Variants in SOX21 observed in about 807,000 individuals in gnomAD.
The protein encoded by SOX21 is transcription factor SOX-21.
For synonymous variants in SOX21, 237 were observed against 189.7 expected (o/e 1.25, Z -2.05); for missense variants, 370 against 388.8 (o/e 0.95, Z 0.41).
rs1875193160 is a variant in SOX21, at chr13:94,710,113, CA to C, written c.*1105del. On this transcript the variant is annotated 3_prime_UTR_variant, in exon 1 of 1. Transcript: ENST00000376945. ...TGCTAAATAATAAATATATAATTAC[CA>C]GACAAAAAAGTCTGATTTAATCTTC... 3 of 152,060 alleles carry C rather than the reference CA, an allele frequency of 2.0e-5. No individual in the cohort carries two copies. Among genetic ancestry groups the C allele is most frequent in the Non-Finnish European group, 1.5e-5 (1 of 68,010 alleles). 9.4% of individuals were successfully genotyped at this position (152,060 alleles called of 1,614,324 possible).
rs912938572 is a variant in SOX21, at chr13:94,712,101, G to A, written c.-52C>T. ...CGCCGCCTCCCGGGCCCTCGCCCTC[G>A]GCCCGGAGGAAATCAATGTTGGCTG... is the stretch of plus-strand genomic sequence containing the variant. On this transcript the variant is annotated 5_prime_UTR_variant, in exon 1 of 1. Coordinates refer to ENST00000376945, the MANE Select transcript of SOX21 (RefSeq NM_007084.4). The surrounding 1 kb of genome is among the most constrained non-coding windows in gnomAD (Gnocchi z 5.0). 1.3e-6 allele frequency: 2 copies of A among 1,566,702 alleles called. No individual in the cohort carries two copies. The highest frequency in any genetic ancestry group is 1.7e-6 in the Non-Finnish European group (2 of 1,156,944).
At position 94,711,707 on chromosome 13, in the gene SOX21, C is replaced by T; in HGVS notation, c.343G>A (p.Ala115Thr). Residue 115 changes from alanine (A) to threonine (T), a missense_variant, in exon 1 of 1, where the codon GCC (alanine) becomes ACC (threonine). Physicochemically the swap from Ala to Thr is moderately conservative, Grantham distance 58. Transcript: ENST00000376945. ...CCGCCCGCCCCCGCGTGCAGCCCGG[C>T]GCCCGCCTTGAGCGCAGGGTGCTCG... ...DAEHPALKAGAGLHAGAGGGL... is the reference protein window; with the variant it reads ...DAEHPALKAGTGLHAGAGGGL... 6.3e-7 allele frequency: 1 copy of T among 1,575,312 alleles called. No individual in the cohort carries two copies. Among genetic ancestry groups the T allele is most frequent in the Non-Finnish European group, 8.6e-7 (1 of 1,164,210 alleles).
Position 94,711,453 on chromosome 13 carries a change from G to T in SOX21, c.597C>A (p.Thr199=). ...LPYASSLGYP[T]AGAGAFHGAA... ...CGCCGTGGAAGGCGCCCGCGCCCGCGGTCGGGTAGCCCAGCGACGACGCGT... is the reference window on the plus strand; with the variant it reads ...CGCCGTGGAAGGCGCCCGCGCCCGCTGTCGGGTAGCCCAGCGACGACGCGT... Residue 199 remains threonine (T), a synonymous_variant, in exon 1 of 1, where the codon ACC becomes ACA. Coordinates refer to ENST00000376945, the MANE Select transcript of SOX21 (RefSeq NM_007084.4). 2.3e-5 allele frequency: 24 copies of T among 1,039,108 alleles called. 1 individual carries two copies. The highest frequency in any genetic ancestry group is 2.8e-5 in the Non-Finnish European group (24 of 858,400). The allele number at this position is 1,039,108 out of a possible 1,614,324, so 64.4% of individuals were successfully genotyped here.
chr13:94,712,255 G>A lies in SOX21; in HGVS notation c.-206C>T. 8.2e-7 allele frequency: 1 copy of A among 1,222,966 alleles called. No individual in the cohort carries two copies. 75.8% of individuals were successfully genotyped at this position (1,222,966 alleles called of 1,614,324 possible). ...GGGCCGCCTTAGTGTCTCCGGCCGA[G>A]CGCTCGAGCAGGTTGTCTCTGGGAC... is the stretch of plus-strand genomic sequence containing the variant. On this transcript the variant is annotated 5_prime_UTR_variant, in exon 1 of 1. Transcript: ENST00000376945. The surrounding 1 kb of genome is among the most constrained non-coding windows in gnomAD (Gnocchi z 5.0).
Position 94,711,637 on chromosome 13 carries a change from G to A in SOX21, c.413C>T (p.Ala138Val), listed in dbSNP as rs529375034. The A allele has an allele frequency of 3.9e-6, 5 of 1,268,034 alleles. No homozygotes were observed. Among genetic ancestry groups the A allele is most frequent in the Non-Finnish European group, 4.0e-6 (4 of 1,008,332 alleles). 78.5% of individuals were successfully genotyped at this position (1,268,034 alleles called of 1,614,324 possible). A position where few individuals can be genotyped will look rare whatever the true frequency, so the allele number is the denominator to read the frequency against. ...ESLLANPEKA[A>V]AAAAAAAARV... ...TGCGGCGGCAGCGGCGGCGGCCGCG[G>A]CCGCCTTCTCGGGATTGGCGAGCAG... is the stretch of plus-strand genomic sequence containing the variant. The change falls in exon 1 of 1, where the codon GCC becomes GTC. Residue 138 changes from alanine (A) to valine (V), a missense_variant. By Grantham distance (64) the Ala-to-Val change is moderately conservative. Transcript: ENST00000376945.
In SOX21 at chr13:94,711,625, G is replaced by A; in HGVS notation, c.425C>T (p.Ala142Val). The A allele has an allele frequency of 8.1e-7, 1 of 1,236,808 alleles. No individual in the cohort carries two copies. The highest frequency in any genetic ancestry group is 3.6e-5 in the South Asian group (1 of 27,914). The allele number at this position is 1,236,808 out of a possible 1,614,324, so 76.6% of individuals were successfully genotyped here. A position where few individuals can be genotyped will look rare whatever the true frequency, so the allele number is the denominator to read the frequency against. The change falls in exon 1 of 1, where the codon GCC (alanine) becomes GTC (valine). Residue 142 changes from alanine to valine, a missense_variant. By Grantham distance (64) the Ala-to-Val change is moderately conservative. Coordinates refer to ENST00000376945, the MANE Select transcript of SOX21 (RefSeq NM_007084.4). Reference sequence around the variant, plus strand: ...GAAGAAGACGCGTGCGGCGGCAGCGGCGGCGGCCGCGGCCGCCTTCTCGGG... The same window carrying A: ...GAAGAAGACGCGTGCGGCGGCAGCGACGGCGGCCGCGGCCGCCTTCTCGGG... ...ANPEKAAAAA[A>V]AAAARVFFPQ...
rs1236818155 is a variant in SOX21 at position 94,712,399 on chromosome 13, C to T, written c.-350G>A. 2.9e-6 allele frequency: 3 copies of T among 1,026,778 alleles called. No homozygotes were observed. The highest frequency in any genetic ancestry group is 4.5e-5 in the South Asian group (1 of 22,186). 63.6% of individuals were successfully genotyped at this position (1,026,778 alleles called of 1,614,324 possible). On this transcript the variant is annotated 5_prime_UTR_variant, in exon 1 of 1. Coordinates refer to ENST00000376945, the MANE Select transcript of SOX21 (RefSeq NM_007084.4). This position sits in a 1 kb window ranked among gnomAD's most constrained non-coding sequence, Gnocchi z 5.0. ...CTCCCCGCAGGTAGCGGCGGCCGGG[C>T]AGAGCGCTCCTCCTCCTCGGTCGTT...
chr13:94,711,483 G>A lies in SOX21; in HGVS notation c.567C>T (p.Leu189=). ...MAEISSSSSG[L]PYASSLGYPT... ...GGTAGCCCAGCGACGACGCGTACGGGAGGCCGGACGAGGACGACGAGATCT... is the reference window on the plus strand; with the variant it reads ...GGTAGCCCAGCGACGACGCGTACGGAAGGCCGGACGAGGACGACGAGATCT... Residue 189 remains leucine (L), a synonymous_variant, in exon 1 of 1, where the codon CTC becomes CTT. Coordinates refer to ENST00000376945, the MANE Select transcript of SOX21 (RefSeq NM_007084.4). The A allele has an allele frequency of 9.7e-7, 1 of 1,028,618 alleles. No individual in the cohort carries two copies. The highest frequency in any genetic ancestry group is 1.2e-6 in the Non-Finnish European group (1 of 849,746). 63.7% of individuals were successfully genotyped at this position (1,028,618 alleles called of 1,614,324 possible). A position where few individuals can be genotyped will look rare whatever the true frequency, so the allele number is the denominator to read the frequency against.
chr13:94,710,980 C>T lies in SOX21; in HGVS notation c.*239G>A. The T allele has an allele frequency of 5.3e-6, 2 of 377,022 alleles. No homozygotes were observed. The highest frequency in any genetic ancestry group is 9.4e-6 in the Non-Finnish European group (2 of 213,838). 23.4% of individuals were successfully genotyped at this position (377,022 alleles called of 1,614,324 possible). On this transcript the variant is annotated 3_prime_UTR_variant, in exon 1 of 1. Transcript: ENST00000376945. ...ACACAACCGCCTGCTTTCGAGTTGG[C>T]TGCCGAAGTGCGGGTCTGAAATGAT...
Position 94,712,088 on chromosome 13 carries a change from G to GGCCCTC in SOX21, c.-45_-40dup, listed in dbSNP as rs763111269. The GGCCCTC allele has an allele frequency of 1.3e-6, 2 of 1,593,830 alleles. No individual in the cohort carries two copies. The highest frequency in any genetic ancestry group is 2.2e-5 in the South Asian group (2 of 89,526). On this transcript the variant is annotated 5_prime_UTR_variant, in exon 1 of 1. Coordinates refer to ENST00000376945, the MANE Select transcript of SOX21 (RefSeq NM_007084.4). The surrounding 1 kb of genome is among the most constrained non-coding windows in gnomAD (Gnocchi z 5.0). ...CGCGGCTGCAGCCCGCCGCCTCCCGGGCCCTCGCCCTCGGCCCGGAGGAAA... is the reference window on the plus strand; with the variant it reads ...CGCGGCTGCAGCCCGCCGCCTCCCGGGCCCTCGCCCTCGCCCTCGGCCCGGAGGAAA...
Position 94,711,650 on chromosome 13 carries a change from G to T in SOX21, c.400C>A (p.Pro134Thr). 7.2e-7 allele frequency: 1 copy of T among 1,392,228 alleles called. No homozygotes were observed. The highest frequency in any genetic ancestry group is 9.3e-7 in the Non-Finnish European group (1 of 1,076,188). The allele number at this position is 1,392,228 out of a possible 1,614,324, so 86.2% of individuals were successfully genotyped here. ...GCGGCGGCCGCGGCCGCCTTCTCGGGATTGGCGAGCAGCGACTCAGGCACC... is the reference window on the plus strand; with the variant it reads ...GCGGCGGCCGCGGCCGCCTTCTCGGTATTGGCGAGCAGCGACTCAGGCACC... ...GLVPESLLAN[P>T]EKAAAAAAAA... Residue 134 changes from proline to threonine, a missense_variant, in exon 1 of 1, where the codon CCC becomes ACC. Pro to Thr is a conservative substitution (Grantham distance 38). Coordinates refer to ENST00000376945, the MANE Select transcript of SOX21 (RefSeq NM_007084.4).
Position 94,710,618 on chromosome 13 carries a change from G to C in SOX21, c.*601C>G, listed in dbSNP as rs536039267. 1 of 152,280 alleles carries C rather than the reference G, an allele frequency of 6.6e-6. No homozygotes were observed. Among genetic ancestry groups the C allele is most frequent in the South Asian group, 2.1e-4 (1 of 4,826 alleles). The allele number at this position is 152,280 out of a possible 1,614,324, so 9.4% of individuals were successfully genotyped here. A position where few individuals can be genotyped will look rare whatever the true frequency, so the allele number is the denominator to read the frequency against. ...GGATCTGGTTGGGAGTTCTGCTTGA[G>C]AGAACAGAGATCTGCAAAGTTCAAA... On this transcript the variant is annotated 3_prime_UTR_variant, in exon 1 of 1. Transcript: ENST00000376945.
chr13:94,711,834 G>C lies in SOX21; in HGVS notation c.216C>G (p.His72Gln), dbSNP rs1369181764. 6.2e-7 allele frequency: 1 copy of C among 1,613,848 alleles called. No homozygotes were observed. The highest frequency in any genetic ancestry group is 1.1e-5 in the South Asian group (1 of 91,096). Residue 72 changes from histidine (H) to glutamine (Q), a missense_variant, in exon 1 of 1, where the codon CAC (histidine) becomes CAG (glutamine). Physicochemically the swap from His to Gln is conservative, Grantham distance 24 (BLOSUM62 0). Transcript: ENST00000376945. Reference sequence around the variant, plus strand: ...GCCGCGGCCGGTACTTGTAGTCGGGGTGCTCCTTCATGTGCATGGCGCGTA... The same window carrying C: ...GCCGCGGCCGGTACTTGTAGTCGGGCTGCTCCTTCATGTGCATGGCGCGTA... ...KRLRAMHMKE[H>Q]PDYKYRPRRK...
At position 94,711,155 on chromosome 13, in the gene SOX21, A is replaced by C. The variant is rs1294195001; in HGVS notation, c.*64T>G. The C allele has an allele frequency of 1.6e-6, 2 of 1,228,744 alleles. No homozygotes were observed. The highest frequency in any genetic ancestry group is 6.4e-5 in the East Asian group (2 of 31,444). The allele number at this position is 1,228,744 out of a possible 1,614,324, so 76.1% of individuals were successfully genotyped here. On this transcript the variant is annotated 3_prime_UTR_variant, in exon 1 of 1. Transcript: ENST00000376945. ...GCGGGAGGGCGCACGGGGAGGCCGC[A>C]GCGCTCGTACCTATACATATGTACA...
Position 94,711,210 on chromosome 13 carries a change from C to CCCGCGGGGTCATAGCGCGGCAGCGTAGG in SOX21, c.812_*8dup. On this transcript the variant is annotated 3_prime_UTR_variant, in exon 1 of 1. Coordinates refer to ENST00000376945, the MANE Select transcript of SOX21 (RefSeq NM_007084.4). ...TGCACACCGGTCCTCGCGAGGCGGC[C>CCCGCGGGGTCATAGCGCGGCAGCGTAGG]CCGCGGGGTCATAGCGCGGCAGCGT... The CCCGCGGGGTCATAGCGCGGCAGCGTAGG allele has an allele frequency of 7.6e-7, 1 of 1,323,922 alleles. No homozygotes were observed. Among genetic ancestry groups the CCCGCGGGGTCATAGCGCGGCAGCGTAGG allele is most frequent in the Non-Finnish European group, 9.6e-7 (1 of 1,042,674 alleles). 82.0% of individuals were successfully genotyped at this position (1,323,922 alleles called of 1,614,324 possible).
chr13:94,711,834 G>A lies in SOX21; in HGVS notation c.216C>T (p.His72=), dbSNP rs1369181764. Residue 72 remains histidine, a synonymous_variant, in exon 1 of 1, where the codon CAC becomes CAT. Transcript: ENST00000376945. The part of the protein sequence containing the change: ...KRLRAMHMKE[H]PDYKYRPRRK... ...GCCGCGGCCGGTACTTGTAGTCGGG[G>A]TGCTCCTTCATGTGCATGGCGCGTA... The A allele has an allele frequency of 1.2e-6, 2 of 1,613,966 alleles. No individual in the cohort carries two copies. Among genetic ancestry groups the A allele is most frequent in the South Asian group, 2.2e-5 (2 of 91,092 alleles).
At position 94,712,189 on chromosome 13, in the gene SOX21, G is replaced by A. The variant is rs1178550443; in HGVS notation, c.-140C>T. ...GCCCCGGCGTCGCTCCCGCCCCGGA[G>A]GAGGGGGCTGGGGGACCAGCCCAGG... On this transcript the variant is annotated 5_prime_UTR_variant, in exon 1 of 1. Transcript: ENST00000376945. The surrounding 1 kb of genome is among the most constrained non-coding windows in gnomAD (Gnocchi z 5.0). 7 of 1,374,204 alleles carry A rather than the reference G, an allele frequency of 5.1e-6. No homozygotes were observed. Among genetic ancestry groups the A allele is most frequent in the Non-Finnish European group, 6.5e-6 (7 of 1,069,962 alleles). The allele number at this position is 1,374,204 out of a possible 1,614,324, so 85.1% of individuals were successfully genotyped here. A position where few individuals can be genotyped will look rare whatever the true frequency, so the allele number is the denominator to read the frequency against.
rs1875191893 is a variant in SOX21, at chr13:94,710,074, T to C, written c.*1145A>G. The C allele has an allele frequency of 6.6e-6, 1 of 152,232 alleles. No homozygotes were observed. Among genetic ancestry groups the C allele is most frequent in the Non-Finnish European group, 1.5e-5 (1 of 68,044 alleles). 9.4% of individuals were successfully genotyped at this position (152,232 alleles called of 1,614,324 possible). On this transcript the variant is annotated 3_prime_UTR_variant, in exon 1 of 1. Transcript: ENST00000376945. Reference sequence around the variant, plus strand: ...CATCTGTTGAAACAATTCTGTGCTTTTTTTCTTCAGTTTTGCTAAATAATA... The same window carrying C: ...CATCTGTTGAAACAATTCTGTGCTTCTTTTCTTCAGTTTTGCTAAATAATA...
rs1404025917 is a variant in SOX21, at chr13:94,711,663, C to A, written c.387G>T (p.Ser129=). 2.1e-6 allele frequency: 3 copies of A among 1,447,224 alleles called. No individual in the cohort carries two copies. The highest frequency in any genetic ancestry group is 2.9e-5 in the Admixed American group (1 of 34,188). The allele number at this position is 1,447,224 out of a possible 1,614,324, so 89.6% of individuals were successfully genotyped here. Residue 129 remains serine, a synonymous_variant, in exon 1 of 1, where the codon TCG becomes TCT. Transcript: ENST00000376945. ...AGAGGGLVPE[S]LLANPEKAAA... Reference sequence around the variant, plus strand: ...CCGCCTTCTCGGGATTGGCGAGCAGCGACTCAGGCACCAGGCCGCCGCCCG... The same window carrying A: ...CCGCCTTCTCGGGATTGGCGAGCAGAGACTCAGGCACCAGGCCGCCGCCCG...
Sources: allele counts gnomAD v4.1 joint callset, GRCh38; gene constraint gnomAD v4.1.1; non-coding constraint Gnocchi (gnomAD v3.1); transcripts MANE v1.5; gene names NCBI Gene and HGNC (gene_info 2026-07-23, HGNC 2026-07-21).